The following FGF12 variants were observed in gnomAD, a reference collection of about 807,000 sequenced individuals.
FGF12 encodes the protein fibroblast growth factor 12.
A neutral mutation model predicts 23.6 loss-of-function variants in FGF12; 14 were observed. That is an observed-to-expected ratio of 0.59 (90% confidence interval 0.39 to 0.93). The LOEUF (loss-of-function observed/expected upper bound fraction) is 0.93, where lower values mean the gene tolerates loss of function less well. Ranked by LOEUF, FGF12 falls within the 40% of genes least tolerant of loss-of-function variation. The pLI is 0.00. For missense variants in FGF12, 175 were observed against 217.8 expected (o/e 0.80, Z 1.24); for synonymous variants, 62 against 77.3 (o/e 0.80, Z 1.04).
intron 2 of FGF12, among the ~76,000 whole-genome samples, chr3:192,632,887 G>A (rs1025639755): frequency 6.6e-6 from 1 of 152,016 alleles, no homozygotes; most frequent in African/African-American, 2.4e-5. Flanking sequence ...AGAAGCTCTG[G>A]GGGGGAATCT....
chr3:192,174,919 C>T (rs182923180), intron 4 of FGF12, among the ~76,000 whole-genome samples: 1 of 152,140 alleles, frequency 6.6e-6, no homozygotes, highest in Non-Finnish European at 1.5e-5. Flanking sequence ...CAACCTCCAA[C>T]TCATTATTCA....
rs1350907456 is a variant in FGF12 at position 192,141,847 on chromosome 3, T to C, written c.*2162A>G. On this transcript the variant is annotated 3_prime_UTR_variant, in exon 6 of 6. Transcript: ENST00000445105. Reference sequence around the variant, plus strand: ...TACAAAAGCTCAAGTCATTTCATGCTAAAAGAGCCAGTGTCCCATAGTGTT... The same window carrying C: ...TACAAAAGCTCAAGTCATTTCATGCCAAAAGAGCCAGTGTCCCATAGTGTT... 1.3e-5 allele frequency: 2 copies of C among 151,986 alleles called. No homozygotes were observed. Among genetic ancestry groups the C allele is most frequent in the African/African-American group, 2.4e-5 (1 of 41,436 alleles). 9.4% of individuals were successfully genotyped at this position (151,986 alleles called of 1,614,324 possible).
At chr3:192,711,315 C>G (rs1718665120) in intron 2 of FGF12, among the ~76,000 whole-genome samples, 1 of 151,402 alleles carries the variant, frequency 6.6e-6, no homozygotes, top group Non-Finnish European at 1.5e-5. Flanking sequence ...AGCCAGCCGC[C>G]CCATCCGGGA....
intron 4 of FGF12, among the ~76,000 whole-genome samples, chr3:192,238,854 A>G (rs1402088894): frequency 6.6e-6 from 1 of 152,202 alleles, no homozygotes; most frequent in East Asian, 1.9e-4. Context: ...GGACAGTGCT[A>G]GGCCTATCAA....
intron 2 of FGF12, among the ~76,000 whole-genome samples, chr3:192,488,919 C>A (rs186463869): frequency 2.2e-4 from 34 of 152,140 alleles, no homozygotes; most frequent in African/African-American, 8.2e-4. Flanking sequence ...TCAACAACTG[C>A]AGGTTAGAGA....
intron 2 of FGF12, among the ~76,000 whole-genome samples, chr3:192,682,117 C>T (rs570271786): frequency 4.1e-4 from 62 of 152,082 alleles, no homozygotes; most frequent in Non-Finnish European, 5.9e-4. Flanking sequence ...TTCCTTAGAC[C>T]GGGAGAAATG....
intron 2 of FGF12, among the ~76,000 whole-genome samples, chr3:192,618,099 T>C (rs1714830644): frequency 6.6e-6 from 1 of 152,142 alleles, no homozygotes; most frequent in Non-Finnish European, 1.5e-5. Flanking sequence ...GTATTCAAGA[T>C]GAACATAAGC....
chr3:192,573,920 T>C (rs1277090441), intron 2 of FGF12, among the ~76,000 whole-genome samples: 1 of 152,188 alleles, frequency 6.6e-6, no homozygotes, highest in Non-Finnish European at 1.5e-5. Flanking sequence ...GGAACAAAAG[T>C]TCAATAATAG....
chr3:192,514,926 G>T lies in FGF12; in HGVS notation c.14-154388C>A. The T allele has an allele frequency of 1.0e-6, 1 of 959,156 alleles. No homozygotes were observed. Among genetic ancestry groups the T allele is most frequent in the Non-Finnish European group, 1.2e-6 (1 of 806,074 alleles). 59.4% of individuals were successfully genotyped at this position (959,156 alleles called of 1,614,324 possible). On this transcript the variant is annotated intron_variant, in intron 2 of 5. Transcript: ENST00000445105. This position sits in a 1 kb window ranked among gnomAD's most constrained non-coding sequence, Gnocchi z 4.9. The stretch of plus-strand genomic sequence containing the variant: ...GAGCCCGGGCGCCGGCAGGGGGCGG[G>T]CCGGGACGCGGAAGTGCCGGTCCGC...
chr3:192,192,496 CAT>C (rs931652265), intron 4 of FGF12, among the ~76,000 whole-genome samples: 3 of 147,522 alleles, frequency 2.0e-5, no homozygotes, highest in African/African-American at 7.4e-5. Flanking sequence ...TATATAATTA[CAT>C]GTTATATATA....
At chr3:192,680,946 A>C (rs748612726) in intron 2 of FGF12, among the ~76,000 whole-genome samples, 1 of 152,208 alleles carries the variant, frequency 6.6e-6, no homozygotes, top group Non-Finnish European at 1.5e-5. Flanking sequence ...GAGACTAAAT[A>C]ATGTATTTAC....
chr3:192,383,147 A>T (rs973169874), intron 2 of FGF12, among the ~76,000 whole-genome samples: 1 of 152,228 alleles, frequency 6.6e-6, no homozygotes, highest in African/African-American at 2.4e-5. Flanking sequence ...TCCTTCACTG[A>T]TCTATTTCCC....
chr3:192,294,074 G>T (rs1199781931), intron 4 of FGF12, among the ~76,000 whole-genome samples: 19 of 152,118 alleles, frequency 1.2e-4, no homozygotes. Flanking sequence ...GAGATCTGAT[G>T]GTTTTATAAG....
intron 3 of FGF12, among the ~76,000 whole-genome samples, chr3:192,337,435 T>C (rs1717473745): frequency 2.0e-5 from 3 of 152,038 alleles, no homozygotes; most frequent in Admixed American, 1.3e-4. Flanking sequence ...TTGATTTATA[T>C]TGGGGGGAAA....
At chr3:192,720,004 A>T (rs184902046) in intron 2 of FGF12, among the ~76,000 whole-genome samples, 1 of 152,366 alleles carries the variant, frequency 6.6e-6, no homozygotes, top group African/African-American at 2.4e-5. Flanking sequence ...TGAGGTAGGG[A>T]GAGATTGGCA....
chr3:192,663,583 G>C (rs1245703201), intron 2 of FGF12, among the ~76,000 whole-genome samples: 3 of 152,104 alleles, frequency 2.0e-5, no homozygotes, highest in Non-Finnish European at 4.4e-5. Flanking sequence ...CTTTGCATCA[G>C]TTTATAGCTT....
chr3:192,409,230 G>C lies in FGF12; in HGVS notation c.14-48692C>G, dbSNP rs1721099691. Among the ~76,000 whole-genome samples, 1 of 152,198 alleles carries C rather than the reference G, an allele frequency of 6.6e-6. No individual in the cohort carries two copies. On this transcript the variant is annotated intron_variant, in intron 2 of 5. Coordinates refer to ENST00000445105, the MANE Select transcript of FGF12 (RefSeq NM_004113.6). The surrounding 1 kb of genome is among the most constrained non-coding windows in gnomAD (Gnocchi z 4.8). ...GACGGGCACAGTTGGTGATTATTTA[G>C]GGAATCCTAAATCTGGAATGACTCA...
At chr3:192,253,727 C>G (rs536093454) in intron 4 of FGF12, among the ~76,000 whole-genome samples, 1 of 151,838 alleles carries the variant, frequency 6.6e-6, no homozygotes, top group Non-Finnish European at 1.5e-5. Context: ...CTGAGACTCT[C>G]GGCATAAAAA....
At chr3:192,374,688 T>A (rs1719392272) in intron 2 of FGF12, among the ~76,000 whole-genome samples, 1 of 152,030 alleles carries the variant, frequency 6.6e-6, no homozygotes, top group Non-Finnish European at 1.5e-5. Context: ...GAAGTTAGTA[T>A]TTTTTTTCTC....
Sources: gnomAD v4.1 joint callset for allele counts (sites outside exome capture counted in the v4.1 genomes callset) on GRCh38, gnomAD v4.1.1 for gene constraint, Gnocchi (gnomAD v3.1) non-coding constraint, MANE v1.5 for transcripts, NCBI Gene and HGNC (gene_info 2026-07-23, HGNC 2026-07-21) for gene names.